Variants in COPG2 observed in about 807,000 individuals in gnomAD.
The protein encoded by COPG2 is coat protein complex I subunit gamma 2.
COPG2 carries 37 observed loss-of-function variants against 46.3 expected under a neutral mutation model. The ratio of observed to expected loss-of-function variants is 0.80; its 90% CI spans 0.61 to 1.05. The LOEUF (loss-of-function observed/expected upper bound fraction) is 1.05. Ranked by LOEUF, COPG2 falls within the 50% of genes least tolerant of loss-of-function variation. The probability of loss-of-function intolerance (pLI) is 0.00; values close to 1 mark genes in which losing one functional copy is unlikely to be tolerated. For missense variants in COPG2, 427 were observed against 387.8 expected (o/e 1.10, Z -0.85); for synonymous variants, 159 against 129.7 (o/e 1.23, Z -1.53).
intron 9 of COPG2, among the ~76,000 whole-genome samples, chr7:130,572,102 G>GGATAAA (rs1554445635): frequency 6.6e-6 from 1 of 152,058 alleles, no homozygotes; most frequent in African/African-American, 2.4e-5. Flanking sequence ...GGAAGAGAGG[G>GGATAAA]AGGGGAGTAA....
At chr7:130,571,839 C>G (rs1201774160) in intron 9 of COPG2, among the ~76,000 whole-genome samples, 5 of 150,658 alleles carry the variant, frequency 3.3e-5, no homozygotes, top group Admixed American at 6.6e-5. Flanking sequence ...TGCGCCCTCT[C>G]TCTCTCTATA....
intron 9 of COPG2, among the ~76,000 whole-genome samples, chr7:130,595,974 CT>C (rs1554449636): frequency 6.6e-6 from 1 of 152,222 alleles, no homozygotes. Flanking sequence ...CCTGACTCCC[CT>C]CAGCCGTAGT....
intron 20 of COPG2, among the ~76,000 whole-genome samples, chr7:130,518,271 C>G (rs1799695353): frequency 1.3e-5 from 2 of 152,150 alleles, no homozygotes; most frequent in South Asian, 4.2e-4. Flanking sequence ...AATGTAACAT[C>G]AAGATAGGAA....
chr7:130,660,022 C>T (rs774893008), intron 4 of COPG2, among the ~76,000 whole-genome samples: 49 of 152,230 alleles, frequency 3.2e-4, no homozygotes, highest in Non-Finnish European at 5.6e-4. Context: ...ATATAAACAA[C>T]GATAGAAGAA....
intron 6 of COPG2, among the ~76,000 whole-genome samples, chr7:130,613,940 AC>A (rs1794902271): frequency 6.6e-6 from 1 of 152,218 alleles, no homozygotes; most frequent in Non-Finnish European, 1.5e-5. Flanking sequence ...CAGAGGCTGA[AC>A]CCATCAGGAA....
Position 130,507,704 on chromosome 7 carries a change from A to G in COPG2, c.2367T>C (p.Ser789=), listed in dbSNP as rs782012206. 6 of 780,410 alleles carry G rather than the reference A, an allele frequency of 7.7e-6. No homozygotes were observed. The highest frequency in any genetic ancestry group is 1.4e-5 in the Non-Finnish European group (6 of 417,870). The allele number at this position is 780,410 out of a possible 1,614,324, so 48.3% of individuals were successfully genotyped here. The change falls in exon 22 of 24, where the codon AGT becomes AGC. Residue 789 remains serine (S), a synonymous_variant. Transcript: ENST00000425248. Reference sequence around the variant, plus strand: ...TCTCACCTTCAAGGGTTTTGGTAGAACTGAGGGCAAAGGTTTCCTCTTTCT... The same window carrying G: ...TCTCACCTTCAAGGGTTTTGGTAGAGCTGAGGGCAAAGGTTTCCTCTTTCT... ...TFEKEETFAL[S]STKTLEEAVN...
chr7:130,576,977 A>G (rs1343533336), intron 9 of COPG2, among the ~76,000 whole-genome samples: 1 of 152,224 alleles, frequency 6.6e-6, no homozygotes, highest in Non-Finnish European at 1.5e-5. Context: ...CAAACCTACA[A>G]TGAACATCTT....
chr7:130,541,031 CG>C (rs1303154539), intron 20 of COPG2, among the ~76,000 whole-genome samples: 1 of 152,034 alleles, frequency 6.6e-6, no homozygotes, highest in African/African-American at 2.4e-5. Flanking sequence ...CTGGTGGATG[CG>C]GGAGGATGGA....
intron 12 of COPG2, among the ~76,000 whole-genome samples, chr7:130,557,822 A>AAAAAAAC (rs1793652861): frequency 1.4e-5 from 2 of 146,498 alleles, no homozygotes; most frequent in East Asian, 1.9e-4. Flanking sequence ...CATCTCAAAA[A>AAAAAAAC]AAAAAAAAAA....
intron 5 of COPG2, among the ~76,000 whole-genome samples, chr7:130,634,624 A>T (rs929328698): frequency 2.6e-5 from 4 of 152,254 alleles, no homozygotes; most frequent in Non-Finnish European, 4.4e-5. Flanking sequence ...GGCTGAGATG[A>T]TGGGGTTTTC....
At chr7:130,597,303 TG>T (rs2116474340) in intron 9 of COPG2, among the ~76,000 whole-genome samples, 1 of 152,328 alleles carries the variant, frequency 6.6e-6, no homozygotes, top group African/African-American at 2.4e-5. Context: ...TGGGACTATC[TG>T]GGTGTATCTT....
intron 20 of COPG2, among the ~76,000 whole-genome samples, chr7:130,525,602 A>C (rs1799765760): frequency 6.6e-6 from 1 of 152,196 alleles, no homozygotes; most frequent in Non-Finnish European, 1.5e-5. Flanking sequence ...ACTGAATCTG[A>C]GCTTCTGCTG....
intron 3 of COPG2, among the ~76,000 whole-genome samples, chr7:130,665,390 G>A (rs1455474787): frequency 2.0e-5 from 3 of 152,082 alleles, no homozygotes; most frequent in Non-Finnish European, 2.9e-5. Flanking sequence ...GTGTCCGTCT[G>A]TATGTGTATA....
chr7:130,621,846 A>T (rs1795043981), intron 5 of COPG2, among the ~76,000 whole-genome samples: 1 of 142,828 alleles, frequency 7.0e-6, no homozygotes, highest in Admixed American at 7.3e-5. Context: ...CGGGAGGCTG[A>T]GGTGGGAGAG....
At chr7:130,538,515 C>T (rs946278492) in intron 20 of COPG2, among the ~76,000 whole-genome samples, 3 of 151,884 alleles carry the variant, frequency 2.0e-5, no homozygotes, top group East Asian at 3.9e-4. Context: ...CATAGGATTA[C>T]GGTAGGGAGG....
chr7:130,602,471 T>A (rs1451515534), intron 9 of COPG2, among the ~76,000 whole-genome samples: 1 of 152,078 alleles, frequency 6.6e-6, no homozygotes, highest in African/African-American at 2.4e-5. Flanking sequence ...TAATACCACC[T>A]TCCTTTTTTT....
At chr7:130,610,805 A>G in intron 9 of COPG2, 148 bp downstream of exon 9, 1 of 788,936 alleles carries the variant, frequency 1.3e-6, no homozygotes, top group Non-Finnish European at 2.2e-6. Flanking sequence ...GTGACTTGAA[A>G]TTCCATAATT....
intron 5 of COPG2, among the ~76,000 whole-genome samples, chr7:130,646,971 GTATATA>G (rs1486727827): frequency 6.3e-5 from 1 of 15,888 alleles, no homozygotes; most frequent in Non-Finnish European, 2.8e-4. Flanking sequence ...ATATATATGT[GTATATA>G]TATATGTATA....
chr7:130,515,587 C>G (rs1799672066), intron 20 of COPG2, among the ~76,000 whole-genome samples: 1 of 152,114 alleles, frequency 6.6e-6, no homozygotes, highest in South Asian at 2.1e-4. Context: ...AGAACCACTG[C>G]TTTAGACAAA....
Sources: gnomAD v4.1 joint callset for allele counts (sites outside exome capture counted in the v4.1 genomes callset) on GRCh38, gnomAD v4.1.1 for gene constraint, MANE v1.5 for transcripts, NCBI Gene and HGNC (gene_info 2026-07-23, HGNC 2026-07-21) for gene names.